The following KHDRBS2 variants were observed in gnomAD, a reference collection of about 807,000 sequenced individuals.
The protein encoded by KHDRBS2 is KH domain-containing, RNA-binding, signal transduction-associated protein 2.
Under a neutral mutation model 44.3 loss-of-function variants are expected in KHDRBS2, and 26 were observed. The ratio of observed to expected loss-of-function variants is 0.59; its 90% CI spans 0.43 to 0.81. The LOEUF (loss-of-function observed/expected upper bound fraction) is 0.81. KHDRBS2 is among the 40% of genes least tolerant of loss of function. KHDRBS2 has a pLI of 0.00. For missense variants in KHDRBS2, 476 were observed against 433.1 expected (o/e 1.10, Z -0.88); for synonymous variants, 194 against 151.1 (o/e 1.28, Z -2.08).
the KHDRBS2 span, among the ~76,000 whole-genome samples, chr6:61,643,142 T>C: frequency 2.4e-3 from 372 of 152,270 alleles, 3 homozygotes; most frequent in African/African-American, 8.7e-3. Flanking sequence ...TTTATTTCCC[T>C]AGTTATAGCT....
intron 2 of KHDRBS2, among the ~76,000 whole-genome samples, chr6:62,106,119 T>G (rs1301524868): frequency 2.6e-5 from 4 of 152,206 alleles, no homozygotes; most frequent in Non-Finnish European, 5.9e-5. Context: ...GAGTTCTAGT[T>G]TGATTGCACT....
chr6:61,882,812 C>T (rs922896811), intron 6 of KHDRBS2, among the ~76,000 whole-genome samples: 2 of 151,996 alleles, frequency 1.3e-5, no homozygotes, highest in Non-Finnish European at 2.9e-5. Context: ...TCCTCATTAA[C>T]CATTCCTGTA....
intron 6 of KHDRBS2, among the ~76,000 whole-genome samples, chr6:61,765,118 A>G (rs1410522949): frequency 6.6e-6 from 1 of 152,164 alleles, no homozygotes; most frequent in Non-Finnish European, 1.5e-5. Context: ...CATTGGTTTT[A>G]AAATGTGGTT....
chr6:61,823,519 GA>G (rs1421428660), intron 6 of KHDRBS2, among the ~76,000 whole-genome samples: 2 of 151,988 alleles, frequency 1.3e-5, no homozygotes, highest in African/African-American at 4.8e-5. Context: ...AGCAAGTTCA[GA>G]AATAGAATAT....
intron 1 of KHDRBS2, among the ~76,000 whole-genome samples, chr6:62,268,816 G>A (rs994171028): frequency 5.9e-5 from 9 of 151,800 alleles, no homozygotes; most frequent in Non-Finnish European, 8.8e-5. Flanking sequence ...CAAATACCAT[G>A]CTTAATAATC....
chr6:61,771,605 G>C (rs997649392), intron 6 of KHDRBS2, among the ~76,000 whole-genome samples: 1 of 152,064 alleles, frequency 6.6e-6, no homozygotes, highest in African/African-American at 2.4e-5. Context: ...ATTACATAAT[G>C]GTAAAGGGAT....
intron 1 of KHDRBS2, among the ~76,000 whole-genome samples, chr6:62,197,620 G>A (rs1219304737): frequency 6.6e-6 from 1 of 151,938 alleles, no homozygotes; most frequent in Non-Finnish European, 1.5e-5. Context: ...GTGTCTAGTG[G>A]AGACAAAGTC....
the KHDRBS2 span, among the ~76,000 whole-genome samples, chr6:61,594,726 A>G: frequency 6.6e-6 from 1 of 152,124 alleles, no homozygotes. Context: ...TAACATATCA[A>G]ATAAATATGT....
chr6:61,855,705 C>G (rs185347728), intron 6 of KHDRBS2, among the ~76,000 whole-genome samples: 50 of 151,866 alleles, frequency 3.3e-4, no homozygotes, highest in African/African-American at 1.1e-3. Context: ...ATAGACATAA[C>G]CCAGAGGTTC....
intron 1 of KHDRBS2, among the ~76,000 whole-genome samples, chr6:62,248,890 G>T (rs576708385): frequency 1.3e-5 from 2 of 152,188 alleles, no homozygotes; most frequent in Non-Finnish European, 2.9e-5. Flanking sequence ...AACTGTGCTC[G>T]AAAGACAATG....
chr6:61,747,781 A>T (rs114835553), intron 6 of KHDRBS2, among the ~76,000 whole-genome samples: 1 of 152,270 alleles, frequency 6.6e-6, no homozygotes, highest in African/African-American at 2.4e-5. Context: ...CTGGTACATA[A>T]GAGTAAAAAG....
intron 1 of KHDRBS2, among the ~76,000 whole-genome samples, chr6:62,274,445 G>GT (rs1840588922): frequency 6.6e-6 from 1 of 152,008 alleles, no homozygotes; most frequent in Non-Finnish European, 1.5e-5. Flanking sequence ...ATTTTACAAG[G>GT]TATGTGTGAT....
chr6:62,130,652 C>G (rs1472861771), intron 2 of KHDRBS2, among the ~76,000 whole-genome samples: 1 of 151,710 alleles, frequency 6.6e-6, no homozygotes. Flanking sequence ...GAGGTTGTGT[C>G]CCAATAAACC....
At chr6:61,757,425 G>T (rs1203509399) in intron 6 of KHDRBS2, among the ~76,000 whole-genome samples, 1 of 151,994 alleles carries the variant, frequency 6.6e-6, no homozygotes, top group African/African-American at 2.4e-5. Flanking sequence ...AGAATAGTAG[G>T]TATACTTTTT....
chr6:61,955,467 T>C (rs1401598937), intron 4 of KHDRBS2, among the ~76,000 whole-genome samples: 2 of 75,764 alleles, frequency 2.6e-5, no homozygotes, highest in Non-Finnish European at 5.2e-5. Context: ...TACATATGTG[T>C]ATATATACAC....
intron 6 of KHDRBS2, among the ~76,000 whole-genome samples, chr6:61,790,639 A>G (rs1444473777): frequency 1.3e-5 from 2 of 151,516 alleles, no homozygotes; most frequent in Admixed American, 1.3e-4. Flanking sequence ...TAACTTTTAC[A>G]TGATATATTT....
At chr6:61,895,304 A>AAGTTC (rs1802755852) in intron 5 of KHDRBS2, among the ~76,000 whole-genome samples, 1 of 152,126 alleles carries the variant, frequency 6.6e-6, no homozygotes, top group African/African-American at 2.4e-5. Context: ...AGTGATGGAC[A>AAGTTC]ATGCTGTCAT....
intron 4 of KHDRBS2, among the ~76,000 whole-genome samples, chr6:61,930,566 A>AAAAAAAAC: frequency 7.7e-6 from 1 of 129,388 alleles, no homozygotes; most frequent in South Asian, 2.6e-4. Context: ...AAAAAAAAAA[A>AAAAAAAAC]AGGCTAGTCT....
rs2127537487 is a variant in KHDRBS2, at chr6:61,680,882, A to G, written c.*81T>C. ...GAAACAAACAAACAAAAAAAGGACT[A>G]TTACTTGTCTTGTTGCTGTTTATGT... is the stretch of plus-strand genomic sequence containing the variant. On this transcript the variant is annotated 3_prime_UTR_variant, in exon 9 of 9. Transcript: ENST00000281156. 2.5e-6 allele frequency: 2 copies of G among 807,854 alleles called. No individual in the cohort carries two copies. Among genetic ancestry groups the G allele is most frequent in the Admixed American group, 2.3e-5 (1 of 42,702 alleles). The allele number at this position is 807,854 out of a possible 1,614,324, so 50.0% of individuals were successfully genotyped here.
Sources: allele counts gnomAD v4.1 joint callset (sites outside exome capture counted in the v4.1 genomes callset), GRCh38; gene constraint gnomAD v4.1.1; transcripts MANE v1.5; gene names NCBI Gene and HGNC (gene_info 2026-07-23, HGNC 2026-07-21).